Variants in STK3 observed in about 807,000 individuals in gnomAD.
STK3 encodes serine/threonine kinase 3.
STK3 carries 41 observed loss-of-function variants against 58.0 expected under a neutral mutation model. The observed-to-expected ratio is 0.71, with a 90% CI of 0.55 to 0.92. The LOEUF is 0.92. STK3 is among the 40% of genes least tolerant of loss of function. The pLI, the probability that STK3 is intolerant of heterozygous loss-of-function variation, is 0.00. For synonymous variants in STK3, 170 were observed against 191.0 expected (o/e 0.89, Z 0.91); for missense variants, 479 against 602.7 (o/e 0.79, Z 2.15).
intron 3 of STK3, among the ~76,000 whole-genome samples, chr8:98,862,266 C>G (rs1484805453): frequency 6.6e-6 from 1 of 152,176 alleles, no homozygotes; most frequent in Non-Finnish European, 1.5e-5. Flanking sequence ...TTTCTCCCTT[C>G]TTAATGCAGG....
At position 98,645,576 on chromosome 8, in the gene STK3, T is replaced by G. The variant is rs974061173; in HGVS notation, c.685-49407A>C. Among the ~76,000 whole-genome samples the G allele has an allele frequency of 2.0e-5, 3 of 152,172 alleles. No individual in the cohort carries two copies. The East Asian group carries it at 5.8e-4, about 29-fold the overall frequency. ...TCTATGAGGAAAATCAAAATGAAAT[T>G]TTCAAGTACTCACATAATGACATAC... On this transcript the variant is annotated intron_variant, in intron 6 of 10. Transcript: ENST00000419617.
intron 7 of STK3, 138 bp from the exon 8 acceptor site, chr8:98,579,927 G>C (rs1758179402): frequency 2.4e-6 from 2 of 822,396 alleles, no homozygotes; most frequent in Admixed American, 8.1e-5. Flanking sequence ...TAAATGTATA[G>C]GTTAAGAAAA....
rs182475061 is a variant in STK3 at position 98,407,783 on chromosome 8, G to C, written n.484-6270C>G. Among the ~76,000 whole-genome samples the C allele has an allele frequency of 5.4e-3, 813 of 151,374 alleles. 8 individuals carry two copies. The highest frequency in any genetic ancestry group is 8.0e-3 in the Non-Finnish European group (546 of 67,914). ...GCGCGCGCGCGCGCATGCATGGTAT[G>C]ACTACTGGCCCCTTAGCCTCCAGGC... is the stretch of plus-strand genomic sequence containing the variant. On this transcript the variant is annotated intron_variant and non_coding_transcript_variant, in intron 3 of 3. Transcript: ENST00000517832.
the STK3 span, among the ~76,000 whole-genome samples, chr8:98,351,007 T>C: frequency 2.6e-5 from 4 of 152,230 alleles, no homozygotes; most frequent in African/African-American, 7.2e-5. Flanking sequence ...GAAAATTAGA[T>C]TATTATCACA....
At chr8:98,351,058 C>T in the STK3 span, among the ~76,000 whole-genome samples, 1 of 152,112 alleles carries the variant, frequency 6.6e-6, no homozygotes. Context: ...TTTAAGGTAT[C>T]CAAGACAGAA....
chr8:98,649,408 T>G (rs1820694221), intron 6 of STK3, among the ~76,000 whole-genome samples: 1 of 152,182 alleles, frequency 6.6e-6, no homozygotes, highest in South Asian at 2.1e-4. Flanking sequence ...GGTTAGAAAC[T>G]TCTCCCAAGT....
At chr8:98,924,652 A>G (rs1443251504) in intron 1 of STK3, among the ~76,000 whole-genome samples, 1 of 152,218 alleles carries the variant, frequency 6.6e-6, no homozygotes, top group Non-Finnish European at 1.5e-5. Context: ...GAGAATGACA[A>G]TCTTAAGTCA....
At chr8:98,798,534 C>T (rs150025610) in intron 1 of STK3, among the ~76,000 whole-genome samples, 1 of 152,164 alleles carries the variant, frequency 6.6e-6, no homozygotes, top group African/African-American at 2.4e-5. Context: ...ACAAGTTACC[C>T]ACAAAGTACC....
At chr8:98,685,573 C>G (rs1406776447) in intron 6 of STK3, among the ~76,000 whole-genome samples, 1 of 152,040 alleles carries the variant, frequency 6.6e-6, no homozygotes, top group African/African-American at 2.4e-5. Context: ...ACCACCACCA[C>G]CCTTCAATGT....
intron 10 of STK3, among the ~76,000 whole-genome samples, chr8:98,508,224 CA>C (rs1269575633): frequency 1.3e-5 from 2 of 152,030 alleles, no homozygotes; most frequent in African/African-American, 2.4e-5. Context: ...TATTTTATTT[CA>C]GACTTCAAGT....
intron 7 of STK3, among the ~76,000 whole-genome samples, chr8:98,582,380 T>A (rs896531681): frequency 6.6e-6 from 1 of 152,102 alleles, no homozygotes; most frequent in Non-Finnish European, 1.5e-5. Context: ...ATGCATTTTT[T>A]AAGTTATATG....
At chr8:98,588,505 G>A (rs1470214136) in intron 7 of STK3, among the ~76,000 whole-genome samples, 4 of 151,708 alleles carry the variant, frequency 2.6e-5, no homozygotes, top group South Asian at 2.1e-4. Context: ...AGGGTAACCC[G>A]ACCTTTCTCT....
intron 7 of STK3, among the ~76,000 whole-genome samples, chr8:98,587,641 C>A (rs2131790641): frequency 6.6e-6 from 1 of 152,054 alleles, no homozygotes; most frequent in South Asian, 2.1e-4. Flanking sequence ...GAGTTCAATT[C>A]CTGGGTATCC....
At chr8:98,896,229 T>C (rs1838440027) in intron 1 of STK3, among the ~76,000 whole-genome samples, 1 of 152,204 alleles carries the variant, frequency 6.6e-6, no homozygotes, top group African/African-American at 2.4e-5. Flanking sequence ...AGTACCCTAT[T>C]AATCTTCCTA....
At chr8:98,809,330 G>T (rs1834079992) in intron 1 of STK3, among the ~76,000 whole-genome samples, 1 of 152,186 alleles carries the variant, frequency 6.6e-6, no homozygotes, top group Admixed American at 6.5e-5. Flanking sequence ...TTAACCTGTG[G>T]TGTCTGACAC....
intron 3 of STK3, chr8:98,413,216 T>C (rs565063398): frequency 1.3e-5 from 4 of 306,994 alleles, no homozygotes; most frequent in South Asian, 1.1e-4. Context: ...GGTTTCACCA[T>C]GTTTGCCAGG....
intron 4 of STK3, among the ~76,000 whole-genome samples, chr8:98,739,641 G>T (rs1452475592): frequency 1.4e-5 from 2 of 148,100 alleles, no homozygotes; most frequent in Non-Finnish European, 3.0e-5. Context: ...CACAAAGATG[G>T]GGAAAAAACA....
At chr8:98,831,348 G>C (rs1835528505) in intron 3 of STK3, among the ~76,000 whole-genome samples, 1 of 152,074 alleles carries the variant, frequency 6.6e-6, no homozygotes, top group South Asian at 2.1e-4. Flanking sequence ...GAACTCCTAG[G>C]CTCAAGGAAT....
intron 3 of STK3, among the ~76,000 whole-genome samples, chr8:98,877,905 G>A (rs1286186251): frequency 6.6e-6 from 1 of 152,098 alleles, no homozygotes; most frequent in Non-Finnish European, 1.5e-5. Context: ...GAATTATAGA[G>A]ATTGAGGAAA....
Sources: gnomAD v4.1 joint callset for allele counts (sites outside exome capture counted in the v4.1 genomes callset) on GRCh38, gnomAD v4.1.1 for gene constraint, MANE v1.5 for transcripts, NCBI Gene and HGNC (gene_info 2026-07-23, HGNC 2026-07-21) for gene names.